The following EPM2A variants were observed in gnomAD, a reference collection of about 807,000 sequenced individuals.
EPM2A encodes the protein EPM2A glucan phosphatase, laforin, also known as laforin.
A neutral mutation model predicts 26.5 loss-of-function variants in EPM2A; 21 were observed. The observed-to-expected ratio is 0.79, with a 90% CI of 0.56 to 1.14. EPM2A has a LOEUF of 1.14. EPM2A is among the 50% of genes most tolerant of loss of function. The pLI, the probability that EPM2A is intolerant of heterozygous loss-of-function variation, is 0.00. For missense variants in EPM2A, 458 were observed against 440.8 expected, an observed-to-expected ratio of 1.04 and a Z score of -0.35; for synonymous variants, 217 against 177.6, an observed-to-expected ratio of 1.22 and a Z score of -1.76.
intron 4 of EPM2A, among the ~76,000 whole-genome samples, chr6:145,469,655 A>G (rs938322298): frequency 7.2e-5 from 11 of 152,116 alleles, no homozygotes; most frequent in Admixed American, 7.2e-4. Context: ...ACAATCCAGG[A>G]ATCCCACTCC....
chr6:145,612,750 ATATG>A (rs956916632), intron 2 of EPM2A, among the ~76,000 whole-genome samples: 16 of 148,118 alleles, frequency 1.1e-4, no homozygotes, highest in Non-Finnish European at 1.5e-5. Context: ...ATATAGGTAT[ATATG>A]TATTTTATAT....
chr6:145,431,213 T>G (rs944090862), intron 4 of EPM2A, among the ~76,000 whole-genome samples: 3 of 152,146 alleles, frequency 2.0e-5, no homozygotes, highest in African/African-American at 4.8e-5. Context: ...GGTCAAAGAT[T>G]TTGCAAAAGA....
intron 4 of EPM2A, among the ~76,000 whole-genome samples, chr6:145,399,844 T>C (rs528412441): frequency 1.3e-5 from 2 of 152,326 alleles, no homozygotes; most frequent in African/African-American, 4.8e-5. Flanking sequence ...AATAATCTTT[T>C]TGGCTATCTC....
intron 4 of EPM2A, among the ~76,000 whole-genome samples, chr6:145,482,266 T>C (rs1779619038): frequency 6.6e-6 from 1 of 152,184 alleles, no homozygotes. Context: ...TCAGCAATTT[T>C]TTCCAGCTTT....
chr6:145,529,174 C>T (rs998840790), intron 2 of EPM2A, among the ~76,000 whole-genome samples: 1 of 152,112 alleles, frequency 6.6e-6, no homozygotes, highest in Non-Finnish European at 1.5e-5. Context: ...ATGCTATGAA[C>T]ATTGTTGAAA....
chr6:145,599,861 T>A (rs1453902826), intron 2 of EPM2A, among the ~76,000 whole-genome samples: 2 of 152,086 alleles, frequency 1.3e-5, no homozygotes. Flanking sequence ...TTTACACAAA[T>A]TTCCCTCTAT....
intron 4 of EPM2A, among the ~76,000 whole-genome samples, chr6:145,492,583 G>C (rs2114742919): frequency 6.6e-6 from 1 of 151,968 alleles, no homozygotes; most frequent in Non-Finnish European, 1.5e-5. Context: ...GGTCAGATGA[G>C]CAAATTGAAG....
At chr6:145,702,018 T>C (rs745601749) in intron 1 of EPM2A, among the ~76,000 whole-genome samples, 5 of 152,154 alleles carry the variant, frequency 3.3e-5, no homozygotes, top group Admixed American at 6.5e-5. Flanking sequence ...ATTCTATTCC[T>C]GGCTTTAAAT....
intron 2 of EPM2A, among the ~76,000 whole-genome samples, chr6:145,518,815 T>C (rs1780166153): frequency 6.6e-6 from 1 of 152,098 alleles, no homozygotes; most frequent in Non-Finnish European, 1.5e-5. Context: ...CCCAGAGTAA[T>C]AATCCAGAAC....
intron 4 of EPM2A, among the ~76,000 whole-genome samples, chr6:145,410,676 C>A (rs1169274715): frequency 6.6e-6 from 1 of 152,092 alleles, no homozygotes; most frequent in Non-Finnish European, 1.5e-5. Flanking sequence ...ACTCAAGTAA[C>A]CTGGAGAATG....
chr6:145,694,552 C>A (rs1454210865), intron 1 of EPM2A, among the ~76,000 whole-genome samples: 1 of 151,538 alleles, frequency 6.6e-6, no homozygotes, highest in Non-Finnish European at 1.5e-5. Context: ...GAAATGGAAA[C>A]CTGAGATACA....
At chr6:145,610,273 G>A (rs1274628413) in intron 2 of EPM2A, among the ~76,000 whole-genome samples, 1 of 152,002 alleles carries the variant, frequency 6.6e-6, no homozygotes, top group African/African-American at 2.4e-5. Flanking sequence ...TCCTTTAGTG[G>A]TAGGAAGCTC....
intron 1 of EPM2A, among the ~76,000 whole-genome samples, chr6:145,696,461 A>G (rs905503855): frequency 6.6e-6 from 1 of 152,156 alleles, no homozygotes; most frequent in Non-Finnish European, 1.5e-5. Context: ...GTGAAGTGAT[A>G]TGTGTTAATT....
chr6:145,687,506 T>C (rs758552890), intron 1 of EPM2A, among the ~76,000 whole-genome samples: 40 of 152,170 alleles, frequency 2.6e-4, no homozygotes, highest in Non-Finnish European at 5.1e-4. Context: ...TACCTTTTTA[T>C]CATCCCATTT....
In EPM2A at chr6:145,474,876, A is replaced by G. The variant is rs148100638; in HGVS notation, c.555+27646T>C. ...CAACAAAATATGAAAAAAAGCTCAT[A>G]ATCCCTGGTCATTAGAGAAATGCAA... On this transcript the variant is annotated intron_variant, in intron 4 of 4. Transcript: ENST00000638717. 1.9e-3 allele frequency among the ~76,000 whole-genome samples: 285 copies of G among 152,292 alleles called. 1 individual carries two copies. The highest frequency in any genetic ancestry group is 6.2e-3 in the African/African-American group (259 of 41,580).
At position 145,562,272 on chromosome 6, in the gene EPM2A, A is replaced by G. The variant is rs566022413; in HGVS notation, c.341-59697T>C. On this transcript the variant is annotated intron_variant, in intron 2 of 3. Coordinates refer to the EPM2A transcript ENST00000450221. ...CTTTTTAACAATTTTGAAGTATGCA[A>G]TGCATTGTTGTTTCCTTTTTTTGTT... Among the ~76,000 whole-genome samples the G allele has an allele frequency of 3.3e-5, 5 of 152,260 alleles. No individual in the cohort carries two copies. In the East Asian group the frequency reaches 9.7e-4, roughly 29 times the overall value.
chr6:145,563,532 G>A (rs1397431750), intron 2 of EPM2A, among the ~76,000 whole-genome samples: 1 of 152,026 alleles, frequency 6.6e-6, no homozygotes, highest in Non-Finnish European at 1.5e-5. Flanking sequence ...CATGGTAAGT[G>A]CAATAGAAAG....
chr6:145,486,413 C>G (rs904599744), intron 4 of EPM2A, among the ~76,000 whole-genome samples: 19 of 151,942 alleles, frequency 1.3e-4, no homozygotes, highest in African/African-American at 3.9e-4. Context: ...TTAACATGTT[C>G]TTCTTTTCAT....
At chr6:145,494,293 G>C (rs528962182) in intron 4 of EPM2A, among the ~76,000 whole-genome samples, 1 of 152,088 alleles carries the variant, frequency 6.6e-6, no homozygotes, top group Non-Finnish European at 1.5e-5. Context: ...AGTAGTCTCT[G>C]GTGTTTGTTG....
Sources: gnomAD v4.1 joint callset for allele counts (sites outside exome capture counted in the v4.1 genomes callset) on GRCh38, gnomAD v4.1.1 for gene constraint, MANE v1.5 for transcripts, NCBI Gene and HGNC (gene_info 2026-07-23, HGNC 2026-07-21) for gene names.